Variants in PCGF3 observed in about 807,000 individuals in gnomAD.
PCGF3 encodes the protein polycomb group RING finger protein 3.
Under a neutral mutation model 33.1 loss-of-function variants are expected in PCGF3, and 7 were observed. The ratio of observed to expected loss-of-function variants is 0.21; its 90% CI spans 0.12 to 0.40. The LOEUF is 0.40. Among genes scored for constraint, PCGF3 ranks in the 10% least tolerant of loss-of-function variants. The probability of loss-of-function intolerance (pLI) is 1.00; values close to 1 mark genes in which losing one functional copy is unlikely to be tolerated. For missense variants in PCGF3, 211 were observed against 313.3 expected (o/e 0.67, Z 2.46); for synonymous variants, 153 against 121.3 (o/e 1.26, Z -1.72).
intron 9 of PCGF3, among the ~76,000 whole-genome samples, chr4:763,361 T>A (rs1052172685): frequency 6.6e-6 from 1 of 151,968 alleles, no homozygotes; most frequent in Non-Finnish European, 1.5e-5. Context: ...GCAGGGCTGG[T>A]TCCTCCAGGG....
At chr4:709,498 A>G (rs985633507) in intron 1 of PCGF3, among the ~76,000 whole-genome samples, 3 of 152,198 alleles carry the variant, frequency 2.0e-5, no homozygotes, top group Non-Finnish European at 2.9e-5. Context: ...TGATCCATGA[A>G]CAAATGAATG....
intron 1 of PCGF3, among the ~76,000 whole-genome samples, chr4:728,176 G>C (rs1204585552): frequency 6.6e-6 from 1 of 152,212 alleles, no homozygotes; most frequent in East Asian, 1.9e-4. Flanking sequence ...TGCACGGCCA[G>C]CTCCCCCGAA....
At chr4:735,514 C>G (rs938977952) in intron 5 of PCGF3, among the ~76,000 whole-genome samples, 7 of 150,968 alleles carry the variant, frequency 4.6e-5, no homozygotes, top group Non-Finnish European at 8.9e-5. Flanking sequence ...CCGTTGCACT[C>G]CAGCCTGGCG....
chr4:733,945 G>C, intron 4 of PCGF3, 156 bp downstream of exon 4: 1 of 1,554,244 alleles, frequency 6.4e-7, no homozygotes, highest in Non-Finnish European at 8.7e-7. Flanking sequence ...AGATAAGTCA[G>C]AAAAGTCATT....
chr4:754,052 C>A (rs1284466871), intron 8 of PCGF3, among the ~76,000 whole-genome samples: 1 of 152,170 alleles, frequency 6.6e-6, no homozygotes, highest in East Asian at 1.9e-4. Context: ...CCCACAGACC[C>A]AGTGGGACTG....
At position 763,727 on chromosome 4, in the gene PCGF3, TCTC is replaced by T. The variant is rs563055554; in HGVS notation, c.601-1254_601-1252del. Among the ~76,000 whole-genome samples the T allele has an allele frequency of 8.5e-4, 129 of 152,244 alleles. 1 individual carries two copies. Among genetic ancestry groups the T allele is most frequent in the East Asian group, 4.4e-3 (23 of 5,176 alleles). On this transcript the variant is annotated intron_variant, in intron 9 of 10. Coordinates refer to ENST00000362003, the Ensembl canonical transcript of PCGF3. ...CACCTCGTCATTTACCCACTGGAAA[TCTC>T]CTGCCCACACAAAAACCTGCACCCG... is the stretch of plus-strand genomic sequence containing the variant.
At chr4:766,244 A>C in exon 11 of PCGF3, 1 of 606,248 alleles carries the variant, frequency 1.6e-6, no homozygotes, top group Non-Finnish European at 2.9e-6. Flanking sequence ...AGACACTACC[A>C]GCACCACGTT....
At chr4:718,501 A>T (rs905402872) in intron 1 of PCGF3, among the ~76,000 whole-genome samples, 2 of 152,192 alleles carry the variant, frequency 1.3e-5, no homozygotes, top group Non-Finnish European at 2.9e-5. Flanking sequence ...AAAAAATGAG[A>T]GCTGATGTGC....
At chr4:722,363 G>T in intron 1 of PCGF3, 1 of 196,192 alleles carries the variant, frequency 5.1e-6, no homozygotes. Context: ...GCATCCCGCA[G>T]CTAAATGACA....
intron 8 of PCGF3, chr4:757,517 C>CT (rs2152614702): frequency 6.6e-6 from 1 of 152,392 alleles, no homozygotes; most frequent in East Asian, 1.9e-4. Context: ...ACATACTAAT[C>CT]TAGCTATGCC....
chr4:748,796 C>T (rs145890443), intron 8 of PCGF3, among the ~76,000 whole-genome samples: 6 of 152,234 alleles, frequency 3.9e-5, no homozygotes, highest in Middle Eastern at 3.4e-3. Flanking sequence ...GTGTTGGTCT[C>T]GTCTGCGCGG....
intron 1 of PCGF3, among the ~76,000 whole-genome samples, chr4:707,485 C>T (rs138807284): frequency 0.066 from 8,946 of 136,472 alleles, 622 homozygotes; most frequent in East Asian, 0.1. Context: ...CCCCTGGGGG[C>T]CGGGACCCTG....
chr4:711,985 G>A (rs1253573159), intron 1 of PCGF3, among the ~76,000 whole-genome samples: 2 of 151,320 alleles, frequency 1.3e-5, no homozygotes, highest in South Asian at 2.1e-4. Flanking sequence ...AAAAAGAAAA[G>A]AAAATGTAAT....
chr4:763,791 C>A (rs929586247), intron 9 of PCGF3, among the ~76,000 whole-genome samples: 2 of 152,224 alleles, frequency 1.3e-5, no homozygotes. Flanking sequence ...ATTACCAAAA[C>A]CTGGAAGCGA....
Position 708,052 on chromosome 4 carries a change from C to T in PCGF3, c.-190+2082C>T, listed in dbSNP as rs1243618503. Among the ~76,000 whole-genome samples the T allele has an allele frequency of 2.7e-5, 4 of 148,634 alleles. 1 individual carries two copies. Among genetic ancestry groups the T allele is most frequent in the Non-Finnish European group, 6.0e-5 (4 of 66,766 alleles). On this transcript the variant is annotated intron_variant, in intron 1 of 10. Transcript: ENST00000362003. ...GGACCCTGGGACAGCCCTGTTTTCA[C>T]CTGGGGGCCGGGACCCTGGGACAGC...
chr4:735,394 A>G (rs532495666), intron 5 of PCGF3, among the ~76,000 whole-genome samples: 1 of 152,280 alleles, frequency 6.6e-6, no homozygotes, highest in South Asian at 2.1e-4. Context: ...TAAAAGTACA[A>G]AATTAGCTGG....
At chr4:714,793 C>T (rs936957949) in intron 1 of PCGF3, among the ~76,000 whole-genome samples, 2 of 152,256 alleles carry the variant, frequency 1.3e-5, no homozygotes, top group African/African-American at 2.4e-5. Flanking sequence ...CACTAGGTCA[C>T]GCAAACCTGG....
rs1384648596 is a variant in PCGF3 at position 709,750 on chromosome 4, T to G, written c.-190+3780T>G. Among the ~76,000 whole-genome samples, 5 of 152,242 alleles carry G rather than the reference T, an allele frequency of 3.3e-5. No homozygotes were observed. The East Asian group carries it at 9.6e-4, about 29-fold the overall frequency. On this transcript the variant is annotated intron_variant, in intron 1 of 10. Transcript: ENST00000362003. Reference sequence around the variant, plus strand: ...TTCATCTTTGCCACAGCTTCACTTCTTGGTTACTTAGGAGAAAACCGTGTT... The same window carrying G: ...TTCATCTTTGCCACAGCTTCACTTCGTGGTTACTTAGGAGAAAACCGTGTT...
chr4:715,552 A>C (rs1284237862), intron 1 of PCGF3, among the ~76,000 whole-genome samples: 24 of 114,936 alleles, frequency 2.1e-4, no homozygotes, highest in Non-Finnish European at 3.1e-4. Context: ...TGAGTGTGAG[A>C]ACTGGGTGTC....
Sources: gnomAD v4.1 joint callset for allele counts (sites outside exome capture counted in the v4.1 genomes callset) on GRCh38, gnomAD v4.1.1 for gene constraint, MANE v1.5 for transcripts, NCBI Gene and HGNC (gene_info 2026-07-23, HGNC 2026-07-21) for gene names.